The following KCNQ3 variants were observed in gnomAD, a reference collection of about 807,000 sequenced individuals.
The protein encoded by KCNQ3 is potassium voltage-gated channel subfamily KQT member 3.
A neutral mutation model predicts 92.5 loss-of-function variants in KCNQ3; 30 were observed. The observed-to-expected ratio is 0.32, with a 90% confidence interval of 0.24 to 0.44. KCNQ3 has a LOEUF of 0.44. KCNQ3 is among the 20% of genes least tolerant of loss of function. The pLI is 1.00. For missense variants in KCNQ3, 913 were observed against 1,140.3 expected, an observed-to-expected ratio of 0.80 and a Z score of 2.87; for synonymous variants, 450 against 468.8, an observed-to-expected ratio of 0.96 and a Z score of 0.52.
intron 1 of KCNQ3, among the ~76,000 whole-genome samples, chr8:132,246,280 A>T (rs540438448): frequency 1.3e-5 from 2 of 152,320 alleles, no homozygotes; most frequent in Non-Finnish European, 2.9e-5. Flanking sequence ...GAAATAGCCA[A>T]ATGGGATATT....
chr8:132,141,478 G>C, intron 9 of KCNQ3, 147 bp from the exon 10 acceptor site: 1 of 758,130 alleles, frequency 1.3e-6, no homozygotes, highest in Non-Finnish European at 2.3e-6. Context: ...CAGCAGCTTG[G>C]AATCGGACAG....
At chr8:132,390,510 C>T (rs1820022962) in intron 1 of KCNQ3, among the ~76,000 whole-genome samples, 1 of 152,174 alleles carries the variant, frequency 6.6e-6, no homozygotes, top group Admixed American at 6.5e-5. Context: ...GGCCCCACTC[C>T]AGACCAGTGA....
chr8:132,199,019 C>G (rs1827382581), intron 1 of KCNQ3, among the ~76,000 whole-genome samples: 1 of 152,104 alleles, frequency 6.6e-6, no homozygotes, highest in African/African-American at 2.4e-5. Context: ...GCAAGTCAGT[C>G]TCTGCCTCAC....
At chr8:132,198,383 T>C (rs1827366112) in intron 1 of KCNQ3, among the ~76,000 whole-genome samples, 1 of 152,184 alleles carries the variant, frequency 6.6e-6, no homozygotes, top group African/African-American at 2.4e-5. Context: ...TTTAGCTAAG[T>C]TTTGTGGCAG....
At chr8:132,295,768 C>A (rs376937552) in intron 1 of KCNQ3, among the ~76,000 whole-genome samples, 2 of 152,122 alleles carry the variant, frequency 1.3e-5, no homozygotes, top group African/African-American at 4.8e-5. Flanking sequence ...TTATCCTTAG[C>A]AAACTAACAC....
chr8:132,480,349 C>A lies in KCNQ3; in HGVS notation c.184G>T (p.Asp62Tyr). The change falls in exon 1 of 15, where the codon GAC (aspartate) becomes TAC (tyrosine). Residue 62 changes from aspartate to tyrosine, a missense_variant. Coordinates refer to ENST00000388996, the MANE Select transcript of KCNQ3 (RefSeq NM_004519.4). Reference protein sequence around the residue: ...QVTLALGAGADKDGTLLLEGG... With the variant: ...QVTLALGAGAYKDGTLLLEGG... ...TCCAGCAGCAGGGTCCCGTCTTTGT[C>A]GGCTCCGGCCCCGAGCGCCAAGGTG... 1 of 1,595,196 alleles carries A rather than the reference C, an allele frequency of 6.3e-7. No individual in the cohort carries two copies. The highest frequency in any genetic ancestry group is 1.7e-5 in the Admixed American group (1 of 59,220).
intron 1 of KCNQ3, among the ~76,000 whole-genome samples, chr8:132,271,921 G>C (rs547057376): frequency 6.6e-5 from 10 of 152,310 alleles, no homozygotes; most frequent in African/African-American, 1.9e-4. Context: ...TGATCCTTTT[G>C]TGTACCCTGT....
At chr8:132,371,173 C>T (rs111822492) in intron 1 of KCNQ3, among the ~76,000 whole-genome samples, 44 of 152,344 alleles carry the variant, frequency 2.9e-4, no homozygotes, top group African/African-American at 1.1e-3. Context: ...TCTCCTCCAT[C>T]TTCAATCTGA....
At chr8:132,293,453 AC>A (rs1816917358) in intron 1 of KCNQ3, among the ~76,000 whole-genome samples, 2 of 151,952 alleles carry the variant, frequency 1.3e-5, no homozygotes, top group Non-Finnish European at 2.9e-5. Flanking sequence ...AAACCCCCAT[AC>A]CTTTGGTCAC....
At chr8:132,245,482 T>C (rs940614557) in intron 1 of KCNQ3, among the ~76,000 whole-genome samples, 49 of 152,330 alleles carry the variant, frequency 3.2e-4, no homozygotes, top group African/African-American at 1.0e-3. Context: ...GCATATGGAC[T>C]CTAAATATGC....
At chr8:132,428,244 ATCT>A (rs904849420) in intron 1 of KCNQ3, among the ~76,000 whole-genome samples, 19 of 151,914 alleles carry the variant, frequency 1.3e-4, no homozygotes, top group African/African-American at 4.3e-4. Flanking sequence ...CCTCTTTAAG[ATCT>A]TCTTTTTCTC....
intron 1 of KCNQ3, among the ~76,000 whole-genome samples, chr8:132,343,252 T>C (rs1818588195): frequency 6.6e-6 from 1 of 152,344 alleles, no homozygotes; most frequent in South Asian, 2.1e-4. Context: ...TACAGTTTTA[T>C]TGAGAGTACA....
At position 132,234,300 on chromosome 8, in the gene KCNQ3, G is replaced by T. The variant is rs377352783; in HGVS notation, c.387-48119C>A. 8.5e-5 allele frequency among the ~76,000 whole-genome samples: 12 copies of T among 140,532 alleles called. 2 individuals are homozygous for T. The highest frequency in any genetic ancestry group is 4.5e-4 in the Admixed American group (6 of 13,446). 92.2% of individuals were successfully genotyped at this position (140,532 alleles called of 152,430 possible). ...GGGTGTTCAGATCCTCTTTTGGTAA[G>T]AAAGAGCAAAAACTGTGCATAATTC... On this transcript the variant is annotated intron_variant, in intron 1 of 14. Transcript: ENST00000388996.
intron 8 of KCNQ3, among the ~76,000 whole-genome samples, chr8:132,166,274 G>A (rs1826140563): frequency 1.3e-5 from 2 of 152,170 alleles, no homozygotes; most frequent in Non-Finnish European, 2.9e-5. Context: ...GAACGGTGCA[G>A]CTATAGAAAA....
chr8:132,340,199 A>G (rs1818486467), intron 1 of KCNQ3, among the ~76,000 whole-genome samples: 1 of 152,218 alleles, frequency 6.6e-6, no homozygotes, highest in Non-Finnish European at 1.5e-5. Context: ...GGAAGACAGT[A>G]TGGCGATTCC....
At chr8:132,174,096 CAGGATCATCATG>C in intron 6 of KCNQ3, 131 bp downstream of exon 6, 1 of 704,026 alleles carries the variant, frequency 1.4e-6, no homozygotes, top group Non-Finnish European at 2.6e-6. Flanking sequence ...GGCAAAAAGG[CAGGATCATCATG>C]CTTAAGGGAA....
intron 1 of KCNQ3, among the ~76,000 whole-genome samples, chr8:132,195,831 C>T (rs935738332): frequency 9.9e-5 from 15 of 152,198 alleles, no homozygotes; most frequent in African/African-American, 2.4e-4. Flanking sequence ...TGCTATTCCT[C>T]GCAAACAGGA....
intron 1 of KCNQ3, among the ~76,000 whole-genome samples, chr8:132,430,874 G>T (rs1320712129): frequency 6.6e-6 from 1 of 152,038 alleles, no homozygotes; most frequent in East Asian, 1.9e-4. Flanking sequence ...TGTCTCCTTG[G>T]GACGTCAGTA....
chr8:132,376,009 G>A (rs1344755376), intron 1 of KCNQ3, among the ~76,000 whole-genome samples: 1 of 152,174 alleles, frequency 6.6e-6, no homozygotes, highest in Non-Finnish European at 1.5e-5. Flanking sequence ...TCACTATGAT[G>A]AGTTAGCACG....
Sources: gnomAD v4.1 joint callset for allele counts (sites outside exome capture counted in the v4.1 genomes callset) on GRCh38, gnomAD v4.1.1 for gene constraint, MANE v1.5 for transcripts, NCBI Gene and HGNC (gene_info 2026-07-23, HGNC 2026-07-21) for gene names.